Variants in SORL1 observed in about 807,000 individuals in gnomAD.
SORL1 encodes the protein sortilin related receptor 1, also known as sortilin-related receptor.
In SORL1, 127 loss-of-function variants were observed where a neutral mutation model predicts 273.7. That is an observed-to-expected ratio of 0.46 (90% CI 0.40 to 0.54). SORL1 has a LOEUF of 0.54. Among genes scored for constraint, SORL1 ranks in the 20% least tolerant of loss-of-function variants. SORL1 has a pLI of 0.00. For synonymous variants in SORL1, 1,031 were observed against 1,067.4 expected (o/e 0.97, Z 0.66); for missense variants, 2,494 against 2,846.1 (o/e 0.88, Z 2.81).
Position 121,554,195 on chromosome 11 carries a change from A to G in SORL1, c.2439+86A>G. On this transcript the variant is annotated intron_variant, in intron 17 of 47. Transcript: ENST00000260197. This position sits in a 1 kb window ranked among gnomAD's most constrained non-coding sequence, Gnocchi z 4.6. ...GCTGCATGCAGAATGGCCTATGGAAATGGGCAGTTAGAAGTTTGTAAGTGT... is the reference window on the plus strand; with the variant it reads ...GCTGCATGCAGAATGGCCTATGGAAGTGGGCAGTTAGAAGTTTGTAAGTGT... 1 of 1,230,074 alleles carries G rather than the reference A, an allele frequency of 8.1e-7. No homozygotes were observed. The highest frequency in any genetic ancestry group is 1.1e-6 in the Non-Finnish European group (1 of 877,490). The allele number at this position is 1,230,074 out of a possible 1,614,324, so 76.2% of individuals were successfully genotyped here.
At position 121,543,742 on chromosome 11, in the gene SORL1, C is replaced by A. The variant is rs1313742859; in HGVS notation, c.1864+16C>A. The A allele has an allele frequency of 1.9e-6, 3 of 1,605,650 alleles. No homozygotes were observed. The highest frequency in any genetic ancestry group is 2.6e-6 in the Non-Finnish European group (3 of 1,176,048). The stretch of plus-strand genomic sequence containing the variant: ...GATGCCTTGGGTAAGCTGCTGCCTC[C>A]TTGGACCTTTTCACATGGATATGCG... On this transcript the variant is annotated intron_variant, in intron 13 of 47. Transcript: ENST00000260197.
At chr11:121,587,251 A>G (rs1420514436) in intron 27 of SORL1, among the ~76,000 whole-genome samples, 1 of 152,220 alleles carries the variant, frequency 6.6e-6, no homozygotes, top group Non-Finnish European at 1.5e-5. Flanking sequence ...AGGAACCATC[A>G]TGCAATTTTG....
chr11:121,575,192 G>A (rs1862909783), intron 24 of SORL1, among the ~76,000 whole-genome samples: 1 of 152,206 alleles, frequency 6.6e-6, no homozygotes, highest in Non-Finnish European at 1.5e-5. Flanking sequence ...ATTAGTTTGT[G>A]TCAGAATGGG....
At position 121,550,790 on chromosome 11, in the gene SORL1, C is replaced by G. The variant is rs188657251; in HGVS notation, c.2266+120C>G. ...GAGTGGAGAAAAACAATGGCCGTCA[C>G]AAGCATCACAGGGCTTCCTCTTTTC... On this transcript the variant is annotated intron_variant, in intron 16 of 47. Coordinates refer to ENST00000260197, the MANE Select transcript of SORL1 (RefSeq NM_003105.6). This position sits in a 1 kb window ranked among gnomAD's most constrained non-coding sequence, Gnocchi z 5.3. 324 of 727,000 alleles carry G rather than the reference C, an allele frequency of 4.5e-4. 1 individual carries two copies. Among genetic ancestry groups the G allele is most frequent in the Admixed American group, 1.2e-3 (44 of 35,876 alleles). The allele number at this position is 727,000 out of a possible 1,614,324, so 45.0% of individuals were successfully genotyped here.
At chr11:121,529,361 C>T (rs537723202) in intron 11 of SORL1, among the ~76,000 whole-genome samples, 40 of 151,924 alleles carry the variant, frequency 2.6e-4, no homozygotes, top group African/African-American at 8.0e-4. Context: ...GGATTTCAGG[C>T]GCTCACCACC....
At chr11:121,574,425 A>G in intron 24 of SORL1, 62 bp downstream of exon 24, 6 of 1,509,668 alleles carry the variant, frequency 4.0e-6, no homozygotes, top group Non-Finnish European at 5.5e-6. Flanking sequence ...GCTCCCTCAC[A>G]GGGCTGTACT....
chr11:121,534,127 G>C (rs1244940186), intron 12 of SORL1, among the ~76,000 whole-genome samples: 2 of 152,188 alleles, frequency 1.3e-5, no homozygotes, highest in Non-Finnish European at 2.9e-5. Context: ...GTAGTGTTTG[G>C]TATACTGCTA....
chr11:121,452,982 T>A lies in SORL1; in HGVS notation c.285+366T>A. The A allele has an allele frequency of 4.9e-6, 1 of 202,140 alleles. No homozygotes were observed. The allele number at this position is 202,140 out of a possible 1,614,324, so 12.5% of individuals were successfully genotyped here. A position where few individuals can be genotyped will look rare whatever the true frequency, so the allele number is the denominator to read the frequency against. On this transcript the variant is annotated intron_variant, in intron 1 of 47. Transcript: ENST00000260197. The surrounding 1 kb of genome is among the most constrained non-coding windows in gnomAD (Gnocchi z 5.3). The stretch of plus-strand genomic sequence containing the variant: ...CAGTTGGCAGTGGAGGCGAGCACCC[T>A]GCAGTTGCGGTACACTTACACAGAA...
intron 35 of SORL1, among the ~76,000 whole-genome samples, 172 bp downstream of exon 35, chr11:121,605,743 A>ACT (rs1305154820): frequency 6.6e-6 from 1 of 152,184 alleles, no homozygotes; most frequent in Non-Finnish European, 1.5e-5. Context: ...TGTTCTTCTT[A>ACT]CTGCATCAGA....
chr11:121,557,277 G>T, intron 18 of SORL1, 37 bp from the exon 19 acceptor site: 2 of 1,480,476 alleles, frequency 1.4e-6, no homozygotes, highest in Non-Finnish European at 1.9e-6. Flanking sequence ...AAGGAGCTCC[G>T]ATCCATCTCA....
intron 14 of SORL1, among the ~76,000 whole-genome samples, chr11:121,547,309 A>G (rs1437911115): frequency 6.9e-6 from 1 of 145,188 alleles, no homozygotes; most frequent in Non-Finnish European, 1.5e-5. Flanking sequence ...AAAATAGGTA[A>G]GAAAGTCTAA....
At position 121,555,218 on chromosome 11, in the gene SORL1, A is replaced by G; in HGVS notation, c.2471A>G (p.Glu824Gly). ...TGTTTGAATGGAAGCACAGGGCAAG[A>G]GGTGATCATCAATTCTGGCCTGGAG... Reference protein sequence around the residue: ...RLCLNGSTGQEVIINSGLETV... With the variant: ...RLCLNGSTGQGVIINSGLETV... The change falls in exon 18 of 48, where the codon GAG (glutamate) becomes GGG (glycine). Residue 824 changes from glutamate (E) to glycine (G), a missense_variant. By Grantham distance (98) the Glu-to-Gly change is moderately conservative. Around this residue, in one of 3 missense-constraint regions of SORL1, gnomAD observed 1,609 missense variants for 1,816.4 expected, o/e 0.89. Coordinates refer to ENST00000260197, the MANE Select transcript of SORL1 (RefSeq NM_003105.6). 4 of 1,614,062 alleles carry G rather than the reference A, an allele frequency of 2.5e-6. No individual in the cohort carries two copies. Among genetic ancestry groups the G allele is most frequent in the South Asian group, 1.1e-5 (1 of 91,086 alleles).
chr11:121,589,501 C>G (rs953816913), intron 29 of SORL1, 111 bp downstream of exon 29: 65 of 1,357,192 alleles, frequency 4.8e-5, no homozygotes, highest in Non-Finnish European at 1.2e-5. Flanking sequence ...CTTCCCGTAA[C>G]TCAGCAGCAG....
rs1862544868 is a variant in SORL1 at position 121,554,202 on chromosome 11, G to A, written c.2439+93G>A. 1 of 1,153,256 alleles carries A rather than the reference G, an allele frequency of 8.7e-7. No individual in the cohort carries two copies. Among genetic ancestry groups the A allele is most frequent in the Non-Finnish European group, 1.2e-6 (1 of 813,430 alleles). 71.4% of individuals were successfully genotyped at this position (1,153,256 alleles called of 1,614,324 possible). ...GCAGAATGGCCTATGGAAATGGGCA[G>A]TTAGAAGTTTGTAAGTGTTACTCAT... is the stretch of plus-strand genomic sequence containing the variant. On this transcript the variant is annotated intron_variant, in intron 17 of 47. Transcript: ENST00000260197. The surrounding 1 kb of genome is among the most constrained non-coding windows in gnomAD (Gnocchi z 4.6).
chr11:121,500,840 T>A (rs1861698501), intron 6 of SORL1, among the ~76,000 whole-genome samples: 1 of 152,254 alleles, frequency 6.6e-6, no homozygotes, highest in Non-Finnish European at 1.5e-5. Flanking sequence ...TATTTTGATG[T>A]CACACCAGTC....
At position 121,588,065 on chromosome 11, in the gene SORL1, A is replaced by G; in HGVS notation, c.3860A>G (p.Gln1287Arg). 1.2e-6 allele frequency: 2 copies of G among 1,613,868 alleles called. No individual in the cohort carries two copies. The highest frequency in any genetic ancestry group is 1.7e-6 in the Non-Finnish European group (2 of 1,179,868). Residue 1287 changes from glutamine (Q) to arginine (R), a missense_variant, in exon 28 of 48, where the codon CAG (glutamine) becomes CGG (arginine). By Grantham distance (43) the Gln-to-Arg change is conservative. This residue lies in a region of SORL1 where 1,609 missense variants were observed against 1,816.4 expected (regional missense o/e 0.89). Coordinates refer to ENST00000260197, the MANE Select transcript of SORL1 (RefSeq NM_003105.6). ...HFMDFVCKNR[Q>R]QCLFHSMVCD... ...ATGGACTTTGTGTGTAAGAACCGCCAGCAGTGCCTGTTCCACTCCATGGTC... is the reference window on the plus strand; with the variant it reads ...ATGGACTTTGTGTGTAAGAACCGCCGGCAGTGCCTGTTCCACTCCATGGTC...
chr11:121,470,656 C>A (rs139065915), intron 2 of SORL1, among the ~76,000 whole-genome samples: 1 of 152,122 alleles, frequency 6.6e-6, no homozygotes. Context: ...AGTGAAGCCA[C>A]CTTCAAGTTT....
intron 38 of SORL1, 131 bp downstream of exon 38, chr11:121,608,307 A>C: frequency 1.3e-6 from 1 of 748,340 alleles, no homozygotes. Context: ...TCCCCAACAC[A>C]CGCACATTTT....
At chr11:121,538,023 C>T (rs987385645) in intron 12 of SORL1, among the ~76,000 whole-genome samples, 1 of 152,204 alleles carries the variant, frequency 6.6e-6, no homozygotes, top group Non-Finnish European at 1.5e-5. Context: ...CTCACGATGT[C>T]AGTGCCTTAA....
Sources: allele counts gnomAD v4.1 joint callset (sites outside exome capture counted in the v4.1 genomes callset), GRCh38; gene constraint gnomAD v4.1.1; regional missense constraint gnomAD v4.1.1; non-coding constraint Gnocchi (gnomAD v3.1); transcripts MANE v1.5; gene names NCBI Gene and HGNC (gene_info 2026-07-23, HGNC 2026-07-21).